Variants in PRR16 observed in about 807,000 individuals in gnomAD.
The protein encoded by PRR16 is protein Largen.
In PRR16, 6 loss-of-function variants were observed where a neutral mutation model predicts 18.2. That is an observed-to-expected ratio of 0.33 (90% CI 0.18 to 0.65). PRR16 has a LOEUF of 0.65. Ranked by LOEUF, PRR16 falls within the 30% of genes least tolerant of loss-of-function variation. The probability of loss-of-function intolerance (pLI) is 0.74; values close to 1 mark genes in which losing one functional copy is unlikely to be tolerated. For missense variants in PRR16, 412 were observed against 376.6 expected (o/e 1.09, Z -0.78); for synonymous variants, 151 against 147.8 (o/e 1.02, Z -0.16).
At chr5:120,653,297 AG>A (rs902102686) in intron 1 of PRR16, among the ~76,000 whole-genome samples, 1 of 149,754 alleles carries the variant, frequency 6.7e-6, no homozygotes, top group African/African-American at 2.4e-5. Context: ...ATTCAATAAA[AG>A]TAAAAAAAAA....
At chr5:120,513,267 C>G (rs932118353) in intron 1 of PRR16, among the ~76,000 whole-genome samples, 1 of 152,136 alleles carries the variant, frequency 6.6e-6, no homozygotes, top group Non-Finnish European at 1.5e-5. Context: ...CTGGTACTTG[C>G]GTTGATTCCA....
intron 1 of PRR16, among the ~76,000 whole-genome samples, chr5:120,554,582 G>A (rs1294187600): frequency 6.6e-6 from 1 of 151,838 alleles, no homozygotes; most frequent in Non-Finnish European, 1.5e-5. Flanking sequence ...TGCCTGAATG[G>A]GGACAAGGCT....
At chr5:120,669,412 G>A (rs1434884912) in intron 1 of PRR16, among the ~76,000 whole-genome samples, 1 of 151,554 alleles carries the variant, frequency 6.6e-6, no homozygotes, top group Admixed American at 6.6e-5. Flanking sequence ...ATGGCTTATT[G>A]TTTTTTAAAA....
intron 1 of PRR16, among the ~76,000 whole-genome samples, chr5:120,475,492 C>T (rs2604161): frequency 1.3e-5 from 2 of 151,998 alleles, no homozygotes; most frequent in South Asian, 2.1e-4. Flanking sequence ...TTTTTTGACA[C>T]TTTGAGAGGC....
intron 1 of PRR16, among the ~76,000 whole-genome samples, chr5:120,574,670 A>G (rs1753017797): frequency 6.7e-6 from 1 of 148,936 alleles, no homozygotes; most frequent in Non-Finnish European, 1.5e-5. Context: ...ACAGTACTCA[A>G]TTTCATTAGT....
intron 1 of PRR16, among the ~76,000 whole-genome samples, chr5:120,513,709 T>A (rs376487711): frequency 6.6e-6 from 1 of 152,264 alleles, no homozygotes; most frequent in East Asian, 1.9e-4. Flanking sequence ...TTTTATTTAA[T>A]GTCTCTCTCA....
At chr5:120,550,512 T>C (rs998999428) in intron 1 of PRR16, among the ~76,000 whole-genome samples, 9 of 151,998 alleles carry the variant, frequency 5.9e-5, no homozygotes, top group African/African-American at 2.2e-4. Flanking sequence ...CCATTGCCTC[T>C]TGTGTTGATT....
the PRR16 span, among the ~76,000 whole-genome samples, chr5:120,780,544 A>G: frequency 1.3e-5 from 2 of 152,184 alleles, no homozygotes; most frequent in Admixed American, 1.3e-4. Context: ...TTTCTGTGCT[A>G]GAATTTGACT....
chr5:120,606,915 A>G (rs1236704812), intron 1 of PRR16, among the ~76,000 whole-genome samples: 1 of 151,580 alleles, frequency 6.6e-6, no homozygotes, highest in Non-Finnish European at 1.5e-5. Context: ...AAAAAAAAAA[A>G]TTGGGGTATG....
At chr5:120,663,577 T>C (rs1756252152) in intron 1 of PRR16, among the ~76,000 whole-genome samples, 1 of 152,210 alleles carries the variant, frequency 6.6e-6, no homozygotes, top group Non-Finnish European at 1.5e-5. Context: ...GATTTCATTC[T>C]TCATCATGCC....
At chr5:120,735,815 C>A in the PRR16 span, among the ~76,000 whole-genome samples, 1 of 152,032 alleles carries the variant, frequency 6.6e-6, no homozygotes, top group African/African-American at 2.4e-5. Context: ...TATGCAGAAG[C>A]TTTTAAATTT....
At chr5:120,639,808 T>G (rs1036611750) in intron 1 of PRR16, among the ~76,000 whole-genome samples, 35 of 150,474 alleles carry the variant, frequency 2.3e-4, no homozygotes, top group African/African-American at 8.1e-4. Flanking sequence ...CAAAAGAAAA[T>G]AAATCATTTT....
At chr5:120,750,539 T>C in the PRR16 span, among the ~76,000 whole-genome samples, 2 of 151,706 alleles carry the variant, frequency 1.3e-5, no homozygotes, top group Non-Finnish European at 2.9e-5. Flanking sequence ...TGGTGGCGCA[T>C]ACCTGTAATC....
the PRR16 span, among the ~76,000 whole-genome samples, chr5:120,755,877 A>G: frequency 3.3e-5 from 5 of 152,120 alleles, no homozygotes; most frequent in African/African-American, 1.2e-4. Context: ...GATTTACTGA[A>G]AGAAAAGTGT....
the PRR16 span, among the ~76,000 whole-genome samples, chr5:120,784,814 T>A: frequency 6.6e-6 from 1 of 152,178 alleles, no homozygotes; most frequent in African/African-American, 2.4e-5. Context: ...ACATTGAACA[T>A]CTTATTCAAA....
At chr5:120,531,570 A>G (rs1751552811) in intron 1 of PRR16, 1 of 152,090 alleles carries the variant, frequency 6.6e-6, no homozygotes, top group Non-Finnish European at 1.5e-5. Flanking sequence ...CAGGTAAGCT[A>G]CATTTGTGGT....
At chr5:120,704,935 G>A in the PRR16 span, among the ~76,000 whole-genome samples, 38 of 152,080 alleles carry the variant, frequency 2.5e-4, 1 homozygote, top group South Asian at 3.3e-3. Context: ...GCATTAAAAC[G>A]TTTTTTTAAT....
At chr5:120,613,640 G>C (rs1038823864) in intron 1 of PRR16, among the ~76,000 whole-genome samples, 1 of 151,918 alleles carries the variant, frequency 6.6e-6, no homozygotes, top group African/African-American at 2.4e-5. Context: ...TGTATTGTAG[G>C]CTTTTCTTGG....
At chr5:120,765,760 A>T in the PRR16 span, among the ~76,000 whole-genome samples, 2 of 151,632 alleles carry the variant, frequency 1.3e-5, no homozygotes, top group Non-Finnish European at 2.9e-5. Flanking sequence ...AAGCCCCCAT[A>T]TGCCTTTTAG....
Sources: gnomAD v4.1 joint callset for allele counts (sites outside exome capture counted in the v4.1 genomes callset) on GRCh38, gnomAD v4.1.1 for gene constraint, MANE v1.5 for transcripts, NCBI Gene and HGNC (gene_info 2026-07-23, HGNC 2026-07-21) for gene names.